SLC35F4: variants seen among roughly 807,000 people sequenced by gnomAD.
The protein encoded by SLC35F4 is chromosome 14 open reading frame 36.
SLC35F4 carries 24 observed loss-of-function variants against 44.2 expected under a neutral mutation model. The ratio of observed to expected loss-of-function variants is 0.54; its 90% CI spans 0.39 to 0.76. The LOEUF (loss-of-function observed/expected upper bound fraction) is 0.76, where lower values mean the gene tolerates loss of function less well. Among genes scored for constraint, SLC35F4 ranks in the 30% least tolerant of loss-of-function variants. The pLI, the probability that SLC35F4 is intolerant of heterozygous loss-of-function variation, is 0.00. For synonymous variants in SLC35F4, 238 were observed against 223.6 expected (o/e 1.06, Z -0.57); for missense variants, 562 against 586.1 (o/e 0.96, Z 0.42).
intron 1 of SLC35F4, among the ~76,000 whole-genome samples, chr14:57,605,370 A>C (rs760201314): frequency 6.6e-6 from 1 of 152,152 alleles, no homozygotes; most frequent in African/African-American, 2.4e-5. Flanking sequence ...CATCTTCACT[A>C]ATCATCAACA....
chr14:57,748,464 T>A (rs565936486), intron 1 of SLC35F4, among the ~76,000 whole-genome samples: 21 of 152,212 alleles, frequency 1.4e-4, no homozygotes, highest in Non-Finnish European at 2.4e-4. Flanking sequence ...ACCACCTGCA[T>A]CAGAATCATC....
At chr14:57,630,821 A>G in intron 1 of SLC35F4, 1 of 635,394 alleles carries the variant, frequency 1.6e-6, no homozygotes, top group African/African-American at 1.9e-5. Flanking sequence ...GTACCAGGCA[A>G]TGATCATAAT....
At chr14:57,653,704 G>T (rs576540921) in intron 1 of SLC35F4, among the ~76,000 whole-genome samples, 2 of 152,322 alleles carry the variant, frequency 1.3e-5, no homozygotes, top group East Asian at 3.9e-4. Flanking sequence ...AGCAGGTGGT[G>T]TTTGCTGCCA....
intron 1 of SLC35F4, among the ~76,000 whole-genome samples, chr14:57,933,664 C>T (rs957879345): frequency 6.6e-6 from 1 of 152,166 alleles, no homozygotes; most frequent in South Asian, 2.1e-4. Flanking sequence ...GCTGTCATCT[C>T]CTCATTGAAA....
chr14:57,783,172 G>C (rs1412920922), intron 1 of SLC35F4, among the ~76,000 whole-genome samples: 4 of 152,034 alleles, frequency 2.6e-5, no homozygotes, highest in Non-Finnish European at 5.9e-5. Flanking sequence ...TATGATGTGA[G>C]AAAAAGTGGT....
intron 1 of SLC35F4, among the ~76,000 whole-genome samples, chr14:57,856,156 A>G (rs1887063686): frequency 6.6e-6 from 1 of 151,830 alleles, no homozygotes; most frequent in African/African-American, 2.4e-5. Context: ...ACAGGCATGC[A>G]CCACCATGCT....
Position 57,958,417 on chromosome 14 carries a change from A to G in SLC35F4, n.282+23496T>C, listed in dbSNP as rs145762312. ...AAGGAGCCAGTCACAAAAGGTATGCATGGTTTCATTTATATGAAATGTCTA... is the reference window on the plus strand; with the variant it reads ...AAGGAGCCAGTCACAAAAGGTATGCGTGGTTTCATTTATATGAAATGTCTA... On this transcript the variant is annotated intron_variant and non_coding_transcript_variant, in intron 1 of 1. Coordinates refer to the SLC35F4 transcript ENST00000556568. Among the ~76,000 whole-genome samples the G allele has an allele frequency of 3.6e-3, 541 of 152,318 alleles. 3 individuals carry two copies. Among genetic ancestry groups the G allele is most frequent in the African/African-American group, 0.013 (522 of 41,574 alleles).
intron 1 of SLC35F4, among the ~76,000 whole-genome samples, chr14:57,917,041 G>A (rs991776447): frequency 4.0e-5 from 6 of 151,598 alleles, no homozygotes; most frequent in Non-Finnish European, 8.8e-5. Flanking sequence ...TTGTTTTGGG[G>A]GGTTTTGTTT....
chr14:57,800,020 T>A (rs944816009), intron 1 of SLC35F4, among the ~76,000 whole-genome samples: 5 of 152,216 alleles, frequency 3.3e-5, no homozygotes, highest in African/African-American at 9.6e-5. Context: ...GCCAGACTGC[T>A]TCTTTAAGCC....
intron 1 of SLC35F4, among the ~76,000 whole-genome samples, chr14:57,728,496 T>C (rs12891845): frequency 0.41 from 54,333 of 132,474 alleles, 10,899 homozygotes; most frequent in Middle Eastern, 0.47. Context: ...TCACTCAGGC[T>C]GGAGTGCAAT....
chr14:57,658,764 T>C (rs1339056665), intron 1 of SLC35F4, among the ~76,000 whole-genome samples: 2 of 152,118 alleles, frequency 1.3e-5, no homozygotes, highest in Non-Finnish European at 1.5e-5. Context: ...CCTGTCTAAA[T>C]CACTCCAGCC....
chr14:57,917,339 G>A lies in SLC35F4; in HGVS notation n.282+64574C>T, dbSNP rs138365306. On this transcript the variant is annotated intron_variant and non_coding_transcript_variant, in intron 1 of 1. Transcript: ENST00000556568. ...CTCCCAAAGTGCTGGGATTACAGGC[G>A]TGAGTCACCACACCCAGCCCTCTCT... Among the ~76,000 whole-genome samples, 525 of 152,252 alleles carry A rather than the reference G, an allele frequency of 3.4e-3. 3 individuals carry two copies. The highest frequency in any genetic ancestry group is 0.011 in the African/African-American group (473 of 41,538).
At chr14:57,779,184 C>T (rs2077561296) in intron 1 of SLC35F4, among the ~76,000 whole-genome samples, 1 of 151,972 alleles carries the variant, frequency 6.6e-6, no homozygotes, top group Non-Finnish European at 1.5e-5. Context: ...TTCAATAGAT[C>T]AGTGAATCCA....
At chr14:57,820,160 G>A (rs1162519364) in intron 1 of SLC35F4, among the ~76,000 whole-genome samples, 2 of 152,066 alleles carry the variant, frequency 1.3e-5, no homozygotes, top group African/African-American at 4.8e-5. Flanking sequence ...AATAAAACTT[G>A]AAACATTTAA....
chr14:57,784,519 A>G (rs10146015), intron 1 of SLC35F4, among the ~76,000 whole-genome samples: 47,245 of 151,768 alleles, frequency 0.31, 8,449 homozygotes, highest in East Asian at 0.69. Flanking sequence ...TCCTGTCTCT[A>G]TAAAAAAAAT....
chr14:57,891,544 A>C (rs1050492939), intron 1 of SLC35F4, among the ~76,000 whole-genome samples: 1 of 152,062 alleles, frequency 6.6e-6, no homozygotes, highest in African/African-American at 2.4e-5. Context: ...AGTAAGAATA[A>C]TATAAGTACA....
chr14:57,639,535 G>A (rs191106410), intron 1 of SLC35F4, among the ~76,000 whole-genome samples: 1 of 152,014 alleles, frequency 6.6e-6, no homozygotes, highest in African/African-American at 2.4e-5. Flanking sequence ...TCAACTGAAG[G>A]TCATATTTAT....
chr14:57,672,068 A>G (rs1031477942), intron 1 of SLC35F4, among the ~76,000 whole-genome samples: 8 of 152,138 alleles, frequency 5.3e-5, no homozygotes, highest in Non-Finnish European at 1.2e-4. Context: ...TCATGGCTTC[A>G]GACATGTGGA....
At chr14:57,913,435 TA>T (rs1463472354) in intron 1 of SLC35F4, among the ~76,000 whole-genome samples, 8 of 152,160 alleles carry the variant, frequency 5.3e-5, no homozygotes, top group African/African-American at 1.7e-4. Flanking sequence ...GCACACCAAT[TA>T]TTTTTTTCAA....
Sources: gnomAD v4.1 joint callset for allele counts (sites outside exome capture counted in the v4.1 genomes callset) on GRCh38, gnomAD v4.1.1 for gene constraint, MANE v1.5 for transcripts, NCBI Gene and HGNC (gene_info 2026-07-23, HGNC 2026-07-21) for gene names.